Variants in PREX1 observed in about 807,000 individuals in gnomAD.
PREX1 encodes the protein phosphatidylinositol 3,4,5-trisphosphate-dependent Rac exchanger 1 protein.
PREX1 carries 41 observed loss-of-function variants against 198.3 expected under a neutral mutation model. The ratio of observed to expected loss-of-function variants is 0.21; its 90% confidence interval spans 0.16 to 0.27. The LOEUF is 0.27. Ranked by LOEUF, PREX1 falls within the 10% of genes least tolerant of loss-of-function variation. PREX1 has a pLI of 1.00. For synonymous variants in PREX1, 843 were observed against 887.2 expected, an observed-to-expected ratio of 0.95 and a Z score of 0.89; for missense variants, 1,620 against 2,200.7, an observed-to-expected ratio of 0.74 and a Z score of 5.28.
At chr20:48,842,763 C>T in the PREX1 span, among the ~76,000 whole-genome samples, 9 of 152,064 alleles carry the variant, frequency 5.9e-5, no homozygotes, top group Admixed American at 2.6e-4. Flanking sequence ...CAAACATCCA[C>T]TTGGCCCCTC....
chr20:48,655,282 C>T lies in PREX1; in HGVS notation c.2209+8G>A. 6.4e-7 allele frequency: 1 copy of T among 1,553,296 alleles called. No individual in the cohort carries two copies. Among genetic ancestry groups the T allele is most frequent in the Middle Eastern group, 1.7e-4 (1 of 5,942 alleles). On this transcript the variant is annotated splice_region_variant and intron_variant, in intron 19 of 39. Transcript: ENST00000371941. ...ACCTTTCCCCTCTCTCCCAAGGCTC[C>T]CACTCACCTCTCCCCACAGCATAGA...
At position 48,650,167 on chromosome 20, in the gene PREX1, T is replaced by A; in HGVS notation, c.2857A>T (p.Lys953Ter). ...GGGTGGGGCTCCAGGGGGGCTTGTT[T>A]GAAGGGTGGGCTGACCCTGCTCTTC... ...QLKSRVSPPF[K>*]QAPLEPHPLC... Residue 953 changes from lysine (K) to a stop codon, truncating the protein, a stop_gained, in exon 24 of 40, where the codon AAA becomes TAA. Transcript: ENST00000371941. LOFTEE classifies it high-confidence loss of function. 2 of 1,613,704 alleles carry A rather than the reference T, an allele frequency of 1.2e-6. No individual in the cohort carries two copies. The highest frequency in any genetic ancestry group is 1.7e-6 in the Non-Finnish European group (2 of 1,179,854).
chr20:48,762,287 G>T (rs946651290), intron 1 of PREX1, among the ~76,000 whole-genome samples: 3 of 152,068 alleles, frequency 2.0e-5, no homozygotes, highest in Non-Finnish European at 4.4e-5. Flanking sequence ...CCTGAAAAAT[G>T]GGCTCATCAG....
At chr20:48,693,162 G>A (rs1568827189) in intron 7 of PREX1, among the ~76,000 whole-genome samples, 1 of 151,676 alleles carries the variant, frequency 6.6e-6, no homozygotes, top group Non-Finnish European at 1.5e-5. Flanking sequence ...GACCAGAATG[G>A]AAGGAGGGCT....
upstream of PREX1, among the ~76,000 whole-genome samples, chr20:48,829,927 C>G (rs1316942692): frequency 6.6e-6 from 1 of 152,156 alleles, no homozygotes; most frequent in African/African-American, 2.4e-5. Context: ...GCAATACAGA[C>G]TTTCTCAACC....
chr20:48,818,502 G>T (rs752421), intron 1 of PREX1, among the ~76,000 whole-genome samples: 2 of 152,024 alleles, frequency 1.3e-5, no homozygotes, highest in African/African-American at 4.8e-5. Flanking sequence ...CTCTGACTGC[G>T]TAAGGAGAAC....
intron 1 of PREX1, among the ~76,000 whole-genome samples, chr20:48,802,842 G>A (rs2090393764): frequency 6.6e-6 from 1 of 152,216 alleles, no homozygotes; most frequent in African/African-American, 2.4e-5. Context: ...TGCAACAAGG[G>A]CTCTGAGAGA....
At chr20:48,837,486 G>A in the PREX1 span, among the ~76,000 whole-genome samples, 1 of 152,188 alleles carries the variant, frequency 6.6e-6, no homozygotes, top group African/African-American at 2.4e-5. Flanking sequence ...ATACCATGAA[G>A]CCATAAAAAA....
At chr20:48,859,672 TTACCA>T in the PREX1 span, among the ~76,000 whole-genome samples, 6 of 152,130 alleles carry the variant, frequency 3.9e-5, no homozygotes, top group South Asian at 8.3e-4. Context: ...AAAATTAGGA[TTACCA>T]TATGACCCAG....
At chr20:48,819,064 A>G (rs2090471532) in intron 1 of PREX1, among the ~76,000 whole-genome samples, 2 of 152,102 alleles carry the variant, frequency 1.3e-5, no homozygotes, top group South Asian at 4.1e-4. Flanking sequence ...GTGGGAGGGG[A>G]CGGTACACCC....
intron 19 of PREX1, among the ~76,000 whole-genome samples, chr20:48,654,456 T>C (rs1214800330): frequency 1.3e-5 from 2 of 152,158 alleles, no homozygotes; most frequent in South Asian, 2.1e-4. Context: ...TCCTGTGCAC[T>C]GCAGCACGTT....
chr20:48,851,221 T>C, the PREX1 span, among the ~76,000 whole-genome samples: 5 of 152,280 alleles, frequency 3.3e-5, no homozygotes, highest in East Asian at 9.7e-4. Context: ...AAATCGCTAC[T>C]TGAGGCCGGG....
rs559728112 is a variant in PREX1, at chr20:48,785,836, G to A, written c.220-37956C>T. On this transcript the variant is annotated intron_variant, in intron 1 of 39. Transcript: ENST00000371941. ...CCAAATTCATTCCATAAATACTGACGAGCCCCCATCATGTGGCAGGCGGTG... is the reference window on the plus strand; with the variant it reads ...CCAAATTCATTCCATAAATACTGACAAGCCCCCATCATGTGGCAGGCGGTG... Among the ~76,000 whole-genome samples, 62 of 152,212 alleles carry A rather than the reference G, an allele frequency of 4.1e-4. No individual in the cohort carries two copies. The South Asian group carries it at 8.7e-3, about 21-fold the overall frequency.
At chr20:48,816,264 G>A (rs2090458827) in intron 1 of PREX1, among the ~76,000 whole-genome samples, 1 of 152,148 alleles carries the variant, frequency 6.6e-6, no homozygotes, top group Non-Finnish European at 1.5e-5. Flanking sequence ...TATGGGCTCT[G>A]GAGTAGAATA....
intron 12 of PREX1, 72 bp downstream of exon 12, chr20:48,679,579 C>G: frequency 1.4e-6 from 2 of 1,476,008 alleles, no homozygotes; most frequent in Admixed American, 1.7e-5. Flanking sequence ...CACAGGCCTG[C>G]TCTGAGGCGA....
intron 1 of PREX1, among the ~76,000 whole-genome samples, chr20:48,752,338 G>A (rs1444236756): frequency 6.6e-6 from 1 of 152,144 alleles, no homozygotes; most frequent in Non-Finnish European, 1.5e-5. Flanking sequence ...TTTATAAGTA[G>A]CATGCTTTCA....
At chr20:48,772,218 A>C (rs1202013191) in intron 1 of PREX1, among the ~76,000 whole-genome samples, 1 of 124,920 alleles carries the variant, frequency 8.0e-6, no homozygotes, top group Non-Finnish European at 1.8e-5. Flanking sequence ...AAATAAAATA[A>C]CTAAAAAAAT....
the PREX1 span, among the ~76,000 whole-genome samples, chr20:48,835,216 G>C: frequency 6.6e-6 from 1 of 152,208 alleles, no homozygotes; most frequent in South Asian, 2.1e-4. Flanking sequence ...ACAGCACCAG[G>C]CATGTGTAAA....
chr20:48,832,133 CA>C (rs891024845), upstream of PREX1, among the ~76,000 whole-genome samples: 85 of 138,030 alleles, frequency 6.2e-4, 1 homozygote, highest in African/African-American at 2.1e-3. Flanking sequence ...AATTGCAGTT[CA>C]GGGGGAAGAA....
Sources: allele counts gnomAD v4.1 joint callset (sites outside exome capture counted in the v4.1 genomes callset), GRCh38; gene constraint gnomAD v4.1.1; transcripts MANE v1.5; gene names NCBI Gene and HGNC (gene_info 2026-07-23, HGNC 2026-07-21).